SLC6A12: variants seen among roughly 807,000 people sequenced by gnomAD.
The protein encoded by SLC6A12 is solute carrier family 6 member 12.
SLC6A12 carries 50 observed loss-of-function variants against 73.3 expected under a neutral mutation model. The ratio of observed to expected loss-of-function variants is 0.68; its 90% CI spans 0.54 to 0.86. The LOEUF is 0.86. SLC6A12 is among the 40% of genes least tolerant of loss of function. SLC6A12 has a pLI of 0.00. For synonymous variants in SLC6A12, 304 were observed against 309.2 expected (o/e 0.98, Z 0.18); for missense variants, 648 against 772.8 (o/e 0.84, Z 1.92).
downstream of SLC6A12, among the ~76,000 whole-genome samples, chr12:186,433 A>C (rs184437541): frequency 6.6e-6 from 1 of 152,318 alleles, no homozygotes; most frequent in Admixed American, 6.5e-5. Flanking sequence ...GGCTTAAAAC[A>C]ACCATATGCA....
downstream of SLC6A12, among the ~76,000 whole-genome samples, chr12:187,601 A>AGC (rs1565461303): frequency 0.019 from 219 of 11,232 alleles, 9 homozygotes; most frequent in Middle Eastern, 0.05. Flanking sequence ...AAAAAAAAAA[A>AGC]AAAAAAAAAA....
At position 197,881 on chromosome 12, in the gene SLC6A12, C is replaced by T. The variant is rs762009932; in HGVS notation, c.950+19G>A. The T allele has an allele frequency of 1.5e-5, 23 of 1,536,600 alleles. No individual in the cohort carries two copies. The highest frequency in any genetic ancestry group is 1.9e-5 in the Non-Finnish European group (21 of 1,111,720). ...GCCCCAACCCTCCTTCACCCCACCCCGGCCCACGCTGTTCTCACTTGTAGC... is the reference window on the plus strand; with the variant it reads ...GCCCCAACCCTCCTTCACCCCACCCTGGCCCACGCTGTTCTCACTTGTAGC... On this transcript the variant is annotated intron_variant, in intron 9 of 15. Transcript: ENST00000684302.
At chr12:211,399 G>A (rs1940899217) in intron 2 of SLC6A12, among the ~76,000 whole-genome samples, 1 of 152,240 alleles carries the variant, frequency 6.6e-6, no homozygotes, top group South Asian at 2.1e-4. Flanking sequence ...TGAAATTCTG[G>A]TATTGGGACC....
downstream of SLC6A12, among the ~76,000 whole-genome samples, chr12:187,072 T>G (rs543167850): frequency 6.6e-6 from 1 of 152,186 alleles, no homozygotes; most frequent in African/African-American, 2.4e-5. Context: ...GTGACAGAAG[T>G]GGGAAGACTG....
rs2137230812 is a variant in SLC6A12 at position 214,060 on chromosome 12, AC to A, written c.-282del. On this transcript the variant is annotated 5_prime_UTR_variant, in exon 1 of 16. The change creates a premature stop within an existing upstream ORF in the 5' untranslated region. Transcript: ENST00000684302. This position sits in a 1 kb window ranked among gnomAD's most constrained non-coding sequence, Gnocchi z 4.2. ...AAACTGCCCTCCACGTTCACGCCTTACCCTGTTCCTCCCAGCGCAGAATCCC... is the reference window on the plus strand; with the variant it reads ...AAACTGCCCTCCACGTTCACGCCTTACCTGTTCCTCCCAGCGCAGAATCCC... 6.6e-6 allele frequency: 1 copy of A among 152,446 alleles called. No individual in the cohort carries two copies. The highest frequency in any genetic ancestry group is 1.9e-4 in the East Asian group (1 of 5,186). The allele number at this position is 152,446 out of a possible 1,614,324, so 9.4% of individuals were successfully genotyped here.
intron 7 of SLC6A12, 104 bp downstream of exon 7, chr12:200,547 T>C: frequency 7.8e-7 from 1 of 1,282,234 alleles, no homozygotes; most frequent in African/African-American, 1.5e-5. Flanking sequence ...TCAGGAAGTG[T>C]AGTTTCTTAA....
chr12:195,367 AGCTG>A (rs753284881), intron 12 of SLC6A12, 40 bp from the exon 13 acceptor site: 22 of 1,304,096 alleles, frequency 1.7e-5, no homozygotes, highest in Non-Finnish European at 2.5e-5. Context: ...GCCAGTGCAG[AGCTG>A]GGACACACTC....
intron 1 of SLC6A12, 100 bp from the exon 2 acceptor site, chr12:212,210 C>A (rs950708705): frequency 5.9e-5 from 9 of 152,244 alleles, no homozygotes; most frequent in Non-Finnish European, 1.3e-4. Context: ...CCTCTACTCG[C>A]GGGCCATAGC....
chr12:188,415 C>G (rs1053171849), downstream of SLC6A12, among the ~76,000 whole-genome samples: 2 of 152,084 alleles, frequency 1.3e-5, no homozygotes. Context: ...CGCGCTGGCC[C>G]GCAAGCGCCG....
At chr12:207,656 G>C (rs1940716545) in intron 3 of SLC6A12, among the ~76,000 whole-genome samples, 1 of 152,112 alleles carries the variant, frequency 6.6e-6, no homozygotes, top group South Asian at 2.1e-4. Context: ...GTACAGTTCA[G>C]TCTAAAGCAA....
rs1940284560 is a variant in SLC6A12 at position 201,869 on chromosome 12, G to A, written c.491-20C>T. Reference sequence around the variant, plus strand: ...AATGCTCTGTTGGGGACAAGGTTAGGGACAAGATGGAGAGAGATGCTCTTA... The same window carrying A: ...AATGCTCTGTTGGGGACAAGGTTAGAGACAAGATGGAGAGAGATGCTCTTA... On this transcript the variant is annotated intron_variant, in intron 5 of 15. Coordinates refer to ENST00000684302, the MANE Select transcript of SLC6A12 (RefSeq NM_001122848.3). The A allele has an allele frequency of 1.9e-6, 3 of 1,604,126 alleles. No individual in the cohort carries two copies. Among genetic ancestry groups the A allele is most frequent in the Non-Finnish European group, 2.6e-6 (3 of 1,171,168 alleles).
intron 3 of SLC6A12, among the ~76,000 whole-genome samples, chr12:209,039 T>C (rs76803875): frequency 0.041 from 6,226 of 152,206 alleles, 186 homozygotes; most frequent in East Asian, 0.1. Flanking sequence ...GTGACCTCTC[T>C]GCCCTCACCC....
Position 204,560 on chromosome 12 carries a change from A to G in SLC6A12, c.349+4T>C, listed in dbSNP as rs1041081304. The G allele has an allele frequency of 1.2e-6, 2 of 1,613,942 alleles. No individual in the cohort carries two copies. Among genetic ancestry groups the G allele is most frequent in the Non-Finnish European group, 1.7e-6 (2 of 1,179,980 alleles). On this transcript the variant is annotated splice_donor_region_variant and intron_variant, in intron 4 of 15. Coordinates refer to ENST00000684302, the MANE Select transcript of SLC6A12 (RefSeq NM_001122848.3). ...TGAAGGGGAAGGTGGGGGAGGATACATACCCTGGAAGAGGGGGCAGATCTT... is the reference window on the plus strand; with the variant it reads ...TGAAGGGGAAGGTGGGGGAGGATACGTACCCTGGAAGAGGGGGCAGATCTT...
At position 213,048 on chromosome 12, in the gene SLC6A12, C is replaced by T. The variant is rs1940968214; in HGVS notation, c.-143+874G>A. ...GTCTGTTTTCAGGAGCTGGGCATGTCGCCAGAGGCCCAGCTGGGGCTAGCA... is the reference window on the plus strand; with the variant it reads ...GTCTGTTTTCAGGAGCTGGGCATGTTGCCAGAGGCCCAGCTGGGGCTAGCA... On this transcript the variant is annotated intron_variant, in intron 1 of 15. Transcript: ENST00000684302. The surrounding 1 kb of genome is among the most constrained non-coding windows in gnomAD (Gnocchi z 5.3). Among the ~76,000 whole-genome samples the T allele has an allele frequency of 6.6e-6, 1 of 152,196 alleles. No homozygotes were observed. The highest frequency in any genetic ancestry group is 1.5e-5 in the Non-Finnish European group (1 of 68,034).
chr12:189,559 G>A (rs1323352787), downstream of SLC6A12, among the ~76,000 whole-genome samples: 1 of 152,158 alleles, frequency 6.6e-6, no homozygotes, highest in South Asian at 2.1e-4. Context: ...CCTGGGCGGG[G>A]GGTCCAGGTG....
downstream of SLC6A12, among the ~76,000 whole-genome samples, chr12:185,205 C>T (rs1032534074): frequency 3.9e-5 from 6 of 152,362 alleles, no homozygotes; most frequent in South Asian, 4.2e-4. Flanking sequence ...CCCAGGTCTC[C>T]GGACAGCTGG....
chr12:209,615 A>G lies in SLC6A12; in HGVS notation c.214+158T>C, dbSNP rs531246570. 241 of 705,842 alleles carry G rather than the reference A, an allele frequency of 3.4e-4. 3 individuals are homozygous for G. In the South Asian group the frequency reaches 4.1e-3, roughly 12 times the overall value. 43.7% of individuals were successfully genotyped at this position (705,842 alleles called of 1,614,324 possible). ...CCCCATTTCACAGAGAGGGACGCTG[A>G]GGCTAGTAGTGGAGCTGGAACTCAA... On this transcript the variant is annotated intron_variant, in intron 3 of 15. Coordinates refer to ENST00000684302, the MANE Select transcript of SLC6A12 (RefSeq NM_001122848.3).
chr12:191,271 CAT>C, intron 15 of SLC6A12, 60 bp from the exon 16 acceptor site: 1 of 1,249,606 alleles, frequency 8.0e-7, no homozygotes, highest in Non-Finnish European at 1.0e-6. Context: ...GAAGGTTCCT[CAT>C]GTGTGCAACC....
At chr12:203,020 G>A (rs935640129) in intron 4 of SLC6A12, 140 bp from the exon 5 acceptor site, 20 of 466,694 alleles carry the variant, frequency 4.3e-5, no homozygotes, top group Non-Finnish European at 7.6e-5. Context: ...AGTGGCATGA[G>A]AAGCCATTCA....
Sources: allele counts gnomAD v4.1 joint callset (sites outside exome capture counted in the v4.1 genomes callset), GRCh38; gene constraint gnomAD v4.1.1; non-coding constraint Gnocchi (gnomAD v3.1); transcripts MANE v1.5; gene names NCBI Gene and HGNC (gene_info 2026-07-23, HGNC 2026-07-21).